ARMH4: variants seen among roughly 807,000 people sequenced by gnomAD.
The protein encoded by ARMH4 is armadillo-like helical domain-containing protein 4.
In ARMH4, 49 loss-of-function variants were observed where a neutral mutation model predicts 61.9. The ratio of observed to expected loss-of-function variants is 0.79; its 90% CI spans 0.63 to 1.00. ARMH4 has a LOEUF of 1.00. Among genes scored for constraint, ARMH4 ranks in the 50% least tolerant of loss-of-function variants. ARMH4 has a pLI of 0.00. For synonymous variants in ARMH4, 368 were observed against 341.5 expected (o/e 1.08, Z -0.85); for missense variants, 934 against 930.0 (o/e 1.00, Z -0.06).
chr14:58,071,943 C>A (rs1321482590), intron 5 of ARMH4, among the ~76,000 whole-genome samples: 1 of 152,198 alleles, frequency 6.6e-6, no homozygotes, highest in Non-Finnish European at 1.5e-5. Context: ...CTAATTTGTG[C>A]CCCATGGGCA....
chr14:58,109,273 T>G (rs1886269072), intron 4 of ARMH4, among the ~76,000 whole-genome samples: 1 of 152,252 alleles, frequency 6.6e-6, no homozygotes, highest in Non-Finnish European at 1.5e-5. Context: ...AAGGTTTGCC[T>G]ATTACATCTG....
At chr14:58,102,832 A>AAG (rs1256929898) in intron 4 of ARMH4, among the ~76,000 whole-genome samples, 1 of 149,794 alleles carries the variant, frequency 6.7e-6, no homozygotes, top group Non-Finnish European at 1.5e-5. Context: ...AAAAAAAAAA[A>AAG]AAAAAAAGAG....
At chr14:58,077,466 G>A (rs1159015718) in intron 5 of ARMH4, among the ~76,000 whole-genome samples, 1 of 152,120 alleles carries the variant, frequency 6.6e-6, no homozygotes, top group Admixed American at 6.5e-5. Flanking sequence ...AATTAGTCAG[G>A]AAGCGTGGTG....
chr14:58,018,217 T>C (rs752058458), intron 5 of ARMH4, among the ~76,000 whole-genome samples: 5 of 152,156 alleles, frequency 3.3e-5, no homozygotes, highest in African/African-American at 4.8e-5. Flanking sequence ...GACATGGCAA[T>C]GATTTTTTGG....
chr14:58,013,578 G>T (rs2141135876), intron 5 of ARMH4, among the ~76,000 whole-genome samples: 2 of 152,184 alleles, frequency 1.3e-5, no homozygotes, highest in South Asian at 4.1e-4. Context: ...ATGATGGCTA[G>T]CATGCACACA....
chr14:58,039,036 A>G (rs149707692), intron 5 of ARMH4, among the ~76,000 whole-genome samples: 4 of 152,302 alleles, frequency 2.6e-5, no homozygotes, highest in Non-Finnish European at 2.9e-5. Context: ...TGCAGTGTCC[A>G]CGCTTCCCCT....
intron 5 of ARMH4, among the ~76,000 whole-genome samples, chr14:58,052,821 G>T (rs1340655383): frequency 6.6e-6 from 1 of 152,014 alleles, no homozygotes; most frequent in African/African-American, 2.4e-5. Flanking sequence ...CTCTCCTTCA[G>T]TGTCTCATGT....
chr14:58,100,320 A>T (rs1885919430), intron 4 of ARMH4, among the ~76,000 whole-genome samples: 1 of 152,246 alleles, frequency 6.6e-6, no homozygotes, highest in Admixed American at 6.5e-5. Context: ...CTCTAGGCCC[A>T]CTTCAGATGT....
intron 6 of ARMH4, among the ~76,000 whole-genome samples, chr14:58,006,270 T>G (rs542999365): frequency 6.6e-6 from 1 of 152,186 alleles, no homozygotes; most frequent in Non-Finnish European, 1.5e-5. Flanking sequence ...AGTCTACCCA[T>G]GCAAAATACA....
chr14:58,137,231 G>A (rs1268095277), intron 2 of ARMH4, among the ~76,000 whole-genome samples: 2 of 152,052 alleles, frequency 1.3e-5, no homozygotes, highest in African/African-American at 4.8e-5. Flanking sequence ...GCTGTCCTAC[G>A]TAGTCTAAGA....
In ARMH4 at chr14:58,152,139, C is replaced by G. The variant is rs1306511427; in HGVS notation, c.-121G>C. 6.2e-6 allele frequency: 1 copy of G among 162,152 alleles called. No individual in the cohort carries two copies. The highest frequency in any genetic ancestry group is 2.4e-5 in the African/African-American group (1 of 41,550). The allele number at this position is 162,152 out of a possible 1,614,324, so 10.0% of individuals were successfully genotyped here. On this transcript the variant is annotated 5_prime_UTR_variant, in exon 1 of 8. Transcript: ENST00000267485. ...CAGCGGCGGCGCGGGCGCTCGGCAT[C>G]CCAGCGGCGGGCCCTGCGGCGGCGG...
chr14:58,090,351 G>C (rs541966463), intron 5 of ARMH4, among the ~76,000 whole-genome samples: 2 of 152,188 alleles, frequency 1.3e-5, no homozygotes, highest in East Asian at 3.9e-4. Context: ...GATTCTTAGA[G>C]GATAGAAGAG....
chr14:58,079,365 T>C (rs1885148320), intron 5 of ARMH4, among the ~76,000 whole-genome samples: 1 of 152,168 alleles, frequency 6.6e-6, no homozygotes, highest in African/African-American at 2.4e-5. Context: ...AGAGAGCACA[T>C]ACAATACTGA....
chr14:58,023,659 A>T (rs532206133), intron 5 of ARMH4, among the ~76,000 whole-genome samples: 3 of 152,210 alleles, frequency 2.0e-5, no homozygotes, highest in Non-Finnish European at 4.4e-5. Flanking sequence ...CCTTTCCAGA[A>T]GGTTTACAAC....
At chr14:58,143,701 T>C (rs1887639530) in intron 1 of ARMH4, among the ~76,000 whole-genome samples, 1 of 151,422 alleles carries the variant, frequency 6.6e-6, no homozygotes, top group Non-Finnish European at 1.5e-5. Flanking sequence ...TGACCCCAAG[T>C]GATCCACCCA....
chr14:58,004,623 G>T lies in ARMH4; in HGVS notation c.*113C>A. On this transcript the variant is annotated 3_prime_UTR_variant, in exon 8 of 8. Transcript: ENST00000267485. ...CTACCCAGCACCCAGCAGACACTAG[G>T]ACTAACGGCCTGATAGCAGCAATGT... 1.1e-6 allele frequency: 1 copy of T among 874,330 alleles called. No homozygotes were observed. The highest frequency in any genetic ancestry group is 1.8e-6 in the Non-Finnish European group (1 of 542,996). 54.2% of individuals were successfully genotyped at this position (874,330 alleles called of 1,614,324 possible).
chr14:58,132,894 C>A (rs998227901), intron 3 of ARMH4, among the ~76,000 whole-genome samples, 196 bp downstream of exon 3: 40 of 152,106 alleles, frequency 2.6e-4, no homozygotes, highest in African/African-American at 8.9e-4. Flanking sequence ...CAACCCTTGT[C>A]CTTTTAAGGC....
intron 6 of ARMH4, among the ~76,000 whole-genome samples, chr14:58,011,459 G>A (rs114307400): frequency 0.016 from 2,494 of 152,106 alleles, 76 homozygotes; most frequent in African/African-American, 0.055. Flanking sequence ...TCTGAGCTGG[G>A]CTGTAATAAT....
chr14:58,149,633 C>G (rs914573167), intron 1 of ARMH4, among the ~76,000 whole-genome samples: 1 of 152,154 alleles, frequency 6.6e-6, no homozygotes, highest in Non-Finnish European at 1.5e-5. Context: ...CTTATCACCC[C>G]TAGCATATCA....
Sources: gnomAD v4.1 joint callset for allele counts (sites outside exome capture counted in the v4.1 genomes callset) on GRCh38, gnomAD v4.1.1 for gene constraint, MANE v1.5 for transcripts, NCBI Gene and HGNC (gene_info 2026-07-23, HGNC 2026-07-21) for gene names.